Variants in ROBO2 observed in about 807,000 individuals in gnomAD.
ROBO2 encodes roundabout guidance receptor 2.
In ROBO2, 53 loss-of-function variants were observed where a neutral mutation model predicts 160.8. That is an observed-to-expected ratio of 0.33 (90% CI 0.26 to 0.41). The LOEUF (loss-of-function observed/expected upper bound fraction) is 0.41, where lower values mean the gene tolerates loss of function less well. Ranked by LOEUF, ROBO2 falls within the 10% of genes least tolerant of loss-of-function variation. The probability of loss-of-function intolerance (pLI) is 1.00; values close to 1 mark genes in which losing one functional copy is unlikely to be tolerated. For missense variants in ROBO2, 1,577 were observed against 1,722.4 expected, an observed-to-expected ratio of 0.92 and a Z score of 1.49; for synonymous variants, 664 against 611.7, an observed-to-expected ratio of 1.09 and a Z score of -1.26.
chr3:77,470,182 C>T lies in ROBO2; in HGVS notation c.389-7232C>T, dbSNP rs538465680. On this transcript the variant is annotated intron_variant, in intron 2 of 25. Coordinates refer to ENST00000461745, the Ensembl canonical transcript of ROBO2. ...ATATATGCAGGGACCTGGTTCCAAA[C>T]AACATTTGAAATCATATTAAGGAGA... Among the ~76,000 whole-genome samples, 125 of 152,126 alleles carry T rather than the reference C, an allele frequency of 8.2e-4. 5 individuals are homozygous for T. In the South Asian group the frequency reaches 0.025, roughly 31 times the overall value.
At chr3:76,472,985 G>GT (rs1192577421) in intron 2 of ROBO2, among the ~76,000 whole-genome samples, 2 of 151,978 alleles carry the variant, frequency 1.3e-5, no homozygotes, top group African/African-American at 4.8e-5. Flanking sequence ...TATCAGTGGT[G>GT]TTTACGCATC....
intron 2 of ROBO2, among the ~76,000 whole-genome samples, chr3:76,558,463 T>C (rs1055345755): frequency 1.3e-5 from 2 of 152,136 alleles, no homozygotes; most frequent in Admixed American, 1.3e-4. Flanking sequence ...TTATATGGCA[T>C]AAAGCATGCT....
At chr3:76,383,198 T>A (rs1238506670) in intron 2 of ROBO2, among the ~76,000 whole-genome samples, 1 of 152,148 alleles carries the variant, frequency 6.6e-6, no homozygotes, top group Non-Finnish European at 1.5e-5. Flanking sequence ...AAGGCTCAGA[T>A]ATGTTTTGTC....
intron 2 of ROBO2, among the ~76,000 whole-genome samples, chr3:76,115,515 G>T (rs1038064691): frequency 3.3e-5 from 5 of 152,048 alleles, no homozygotes; most frequent in Non-Finnish European, 7.4e-5. Flanking sequence ...CTCAGTCCAA[G>T]CTGCTTGGTA....
chr3:77,109,064 G>T (rs2073224716), intron 2 of ROBO2, among the ~76,000 whole-genome samples: 1 of 151,994 alleles, frequency 6.6e-6, no homozygotes, highest in African/African-American at 2.4e-5. Context: ...GATTAATTAA[G>T]TTCAGAATAG....
intron 13 of ROBO2, among the ~76,000 whole-genome samples, chr3:77,569,358 T>C (rs570860041): frequency 2.0e-5 from 3 of 152,154 alleles, no homozygotes; most frequent in South Asian, 2.1e-4. Context: ...CCATTTGGAT[T>C]ATACCCGTTC....
chr3:76,710,159 G>A (rs1037069743), intron 2 of ROBO2, among the ~76,000 whole-genome samples: 1 of 149,590 alleles, frequency 6.7e-6, no homozygotes, highest in South Asian at 2.1e-4. Flanking sequence ...TCACTCTGTC[G>A]CGCCAAGCTG....
At chr3:76,347,981 G>A (rs943463899) in intron 2 of ROBO2, among the ~76,000 whole-genome samples, 1 of 152,102 alleles carries the variant, frequency 6.6e-6, no homozygotes, top group Admixed American at 6.6e-5. Context: ...CTAAAAATCC[G>A]TCAGTTACCC....
At chr3:76,148,211 A>G (rs1577054921) in intron 2 of ROBO2, among the ~76,000 whole-genome samples, 1 of 152,012 alleles carries the variant, frequency 6.6e-6, no homozygotes, top group Non-Finnish European at 1.5e-5. Context: ...ATCCAAAAAT[A>G]TACTACCCCC....
At chr3:77,022,175 G>A (rs532653486) in intron 2 of ROBO2, among the ~76,000 whole-genome samples, 32 of 152,248 alleles carry the variant, frequency 2.1e-4, no homozygotes, top group Non-Finnish European at 1.0e-4. Context: ...TTTGAGACCC[G>A]CCTGGCCAAC....
chr3:75,933,703 G>T (rs539315225), intron 1 of ROBO2, among the ~76,000 whole-genome samples: 4 of 152,162 alleles, frequency 2.6e-5, no homozygotes, highest in Non-Finnish European at 4.4e-5. Context: ...AAGTTGGCTG[G>T]CTGGGGAAGA....
chr3:76,375,298 A>T (rs1195036842), intron 2 of ROBO2, among the ~76,000 whole-genome samples: 17 of 151,968 alleles, frequency 1.1e-4, no homozygotes, highest in Non-Finnish European at 4.4e-5. Context: ...CAAGGATAGG[A>T]CTATTTCAAA....
intron 2 of ROBO2, among the ~76,000 whole-genome samples, chr3:76,181,598 G>A (rs1701506225): frequency 1.3e-5 from 2 of 152,076 alleles, no homozygotes; most frequent in Non-Finnish European, 2.9e-5. Flanking sequence ...TATGCTTCAA[G>A]TAAAATATTT....
chr3:76,056,650 C>T (rs903602045), intron 2 of ROBO2, among the ~76,000 whole-genome samples: 7 of 152,136 alleles, frequency 4.6e-5, no homozygotes, highest in African/African-American at 1.7e-4. Flanking sequence ...ACTTAGCATA[C>T]ACTTAAATTT....
At chr3:77,619,697 C>G (rs1239685891) in intron 22 of ROBO2, among the ~76,000 whole-genome samples, 2 of 152,180 alleles carry the variant, frequency 1.3e-5, no homozygotes, top group Non-Finnish European at 2.9e-5. Context: ...CACCATGCAA[C>G]TCCAAGCCCC....
In ROBO2 at chr3:77,522,914, A is replaced by T. The variant is rs765262029; in HGVS notation, c.934+12A>T. The T allele has an allele frequency of 1.2e-6, 2 of 1,608,576 alleles. No homozygotes were observed. Among genetic ancestry groups the T allele is most frequent in the East Asian group, 4.5e-5 (2 of 44,682 alleles). ...ACTCACCGTCCGAGGTAAGAGATTT[A>T]AGATGTCAAAGATAATTGAACCAGG... On this transcript the variant is annotated intron_variant, in intron 6 of 25. Transcript: ENST00000461745.
chr3:77,509,011 G>A (rs1341082539), intron 5 of ROBO2, among the ~76,000 whole-genome samples: 1 of 152,098 alleles, frequency 6.6e-6, no homozygotes, highest in Non-Finnish European at 1.5e-5. Context: ...TTATTAATGA[G>A]TGTAGTGTAT....
At chr3:76,190,839 C>T (rs989411805) in intron 2 of ROBO2, among the ~76,000 whole-genome samples, 77 of 152,124 alleles carry the variant, frequency 5.1e-4, no homozygotes, top group African/African-American at 5.8e-4. Flanking sequence ...CAAATCTTGA[C>T]GTCAAAGAGA....
At chr3:75,942,732 A>G (rs1173366562) in intron 2 of ROBO2, among the ~76,000 whole-genome samples, 1 of 152,164 alleles carries the variant, frequency 6.6e-6, no homozygotes, top group Non-Finnish European at 1.5e-5. Context: ...GGTTCACACT[A>G]TAAGGTAAAC....
Sources: allele counts gnomAD v4.1 joint callset (sites outside exome capture counted in the v4.1 genomes callset), GRCh38; gene constraint gnomAD v4.1.1; transcripts MANE v1.5; gene names NCBI Gene and HGNC (gene_info 2026-07-23, HGNC 2026-07-21).